Variants in LRRC8E observed in about 807,000 individuals in gnomAD.
LRRC8E encodes leucine rich repeat containing 8 VRAC subunit E, also known as volume-regulated anion channel subunit LRRC8E.
Under a neutral mutation model 6.1 loss-of-function variants are expected in LRRC8E, and 6 were observed. The ratio of observed to expected loss-of-function variants is 0.98; its 90% CI spans 0.54 to 1.93. The LOEUF is 1.93. Among genes scored for constraint, LRRC8E ranks in the 30% most tolerant of loss-of-function variants. The pLI, the probability that LRRC8E is intolerant of heterozygous loss-of-function variation, is 0.01. For missense variants in LRRC8E, 1,028 were observed against 1,031.4 expected (o/e 1.00, Z 0.04); for synonymous variants, 485 against 472.8 (o/e 1.03, Z -0.33).
Position 7,899,023 on chromosome 19 carries a change from C to T in LRRC8E, c.501C>T (p.Ser167=), listed in dbSNP as rs758772038. The change falls in exon 3 of 3, where the codon TCC becomes TCT. Residue 167 remains serine, a synonymous_variant. Transcript: ENST00000306708. The stretch of plus-strand genomic sequence containing the variant: ...CTCCATGGACCACCAGGGCCCTATC[C>T]GAGGTCTCCGGGGAGAACCAGAAGG... ...FDSPWTTRAL[S]EVSGENQKGP... The T allele has an allele frequency of 5.6e-6, 9 of 1,613,720 alleles. No homozygotes were observed. The highest frequency in any genetic ancestry group is 2.2e-5 in the East Asian group (1 of 44,898).
chr19:7,898,676 A>G lies in LRRC8E; in HGVS notation c.154A>G (p.Ile52Val), dbSNP rs1298269142. ...TGCTCCTCAGGTGACACAGGACAAG[A>G]TCATCTGTCTACCCAATCATGAGCT... ...GCTLQVTQDK[I>V]ICLPNHELQE... The change falls in exon 3 of 3, where the codon ATC becomes GTC. Residue 52 changes from isoleucine to valine, a missense_variant. Transcript: ENST00000306708. 1 of 1,608,300 alleles carries G rather than the reference A, an allele frequency of 6.2e-7. No homozygotes were observed. Among genetic ancestry groups the G allele is most frequent in the East Asian group, 2.2e-5 (1 of 44,746 alleles).
rs1981818469 is a variant in LRRC8E, at chr19:7,899,472, T to A, written c.950T>A (p.Ile317Asn). 1 of 1,614,028 alleles carries A rather than the reference T, an allele frequency of 6.2e-7. No individual in the cohort carries two copies. The highest frequency in any genetic ancestry group is 1.3e-5 in the African/African-American group (1 of 75,010). The change falls in exon 3 of 3, where the codon ATC (isoleucine) becomes AAC (asparagine). Residue 317 changes from isoleucine to asparagine, a missense_variant. Physicochemically the swap from Ile to Asn is moderately radical, Grantham distance 149. Coordinates refer to ENST00000306708, the MANE Select transcript of LRRC8E (RefSeq NM_025061.6). Reference sequence around the variant, plus strand: ...TTCTCCAAGCTGGCCTTCTGTTACATCTCCTTTGTGTGCATCTACGGACTT... The same window carrying A: ...TTCTCCAAGCTGGCCTTCTGTTACAACTCCTTTGTGTGCATCTACGGACTT... ...HLFSKLAFCY[I>N]SFVCIYGLTC...
chr19:7,900,380 A>G lies in LRRC8E; in HGVS notation c.1858A>G (p.Ile620Val), dbSNP rs1277294795. 2.5e-6 allele frequency: 4 copies of G among 1,612,814 alleles called. No homozygotes were observed. The highest frequency in any genetic ancestry group is 3.3e-5 in the Admixed American group (2 of 59,988). The change falls in exon 3 of 3, where the codon ATC (isoleucine) becomes GTC (valine). Residue 620 changes from isoleucine (I) to valine (V), a missense_variant. By Grantham distance (29) the Ile-to-Val change is conservative. Transcript: ENST00000306708. This position sits in a 1 kb window ranked among gnomAD's most constrained non-coding sequence, Gnocchi z 5.0. ...CCTCAAGGACAACCACCTGCGCTCC[A>G]TCGAGGAAATCCTCAGCTTCCAGCA... ...LDLKDNHLRS[I>V]EEILSFQHCR...
Position 7,899,456 on chromosome 19 carries a change from C to G in LRRC8E, c.934C>G (p.Leu312Val). ...CACCAAGGCCCACCTCTTCTCCAAG[C>G]TGGCCTTCTGTTACATCTCCTTTGT... Reference protein sequence around the residue: ...NHTKAHLFSKLAFCYISFVCI... With the variant: ...NHTKAHLFSKVAFCYISFVCI... The change falls in exon 3 of 3, where the codon CTG becomes GTG. Residue 312 changes from leucine (L) to valine (V), a missense_variant. Coordinates refer to ENST00000306708, the MANE Select transcript of LRRC8E (RefSeq NM_025061.6). 6.2e-7 allele frequency: 1 copy of G among 1,614,170 alleles called. No homozygotes were observed. Among genetic ancestry groups the G allele is most frequent in the Non-Finnish European group, 8.5e-7 (1 of 1,180,040 alleles).
At chr19:7,898,605 C>T (rs1311395956) in intron 2 of LRRC8E, 56 bp from the exon 3 acceptor site, 50 of 1,475,988 alleles carry the variant, frequency 3.4e-5, no homozygotes, top group East Asian at 2.5e-4. Context: ...GTGATCCACT[C>T]GCCTTGGCCT....
chr19:7,900,699 C>A lies in LRRC8E; in HGVS notation c.2177C>A (p.Thr726Lys), dbSNP rs747868141. The A allele has an allele frequency of 7.4e-6, 12 of 1,613,406 alleles. No homozygotes were observed. Among genetic ancestry groups the A allele is most frequent in the Non-Finnish European group, 8.5e-6 (10 of 1,180,024 alleles). ...CTCTTCTTCTGCCGCAAGCTGCGGA[C>A]GTTGCTTCTGGGCGACAACCAGCTG... is the stretch of plus-strand genomic sequence containing the variant. ...EELFFCRKLRTLLLGDNQLSQ... is the reference protein window; with the variant it reads ...EELFFCRKLRKLLLGDNQLSQ... The change falls in exon 3 of 3, where the codon ACG (threonine) becomes AAG (lysine). Residue 726 changes from threonine (T) to lysine (K), a missense_variant. Thr to Lys is a moderately conservative substitution (Grantham distance 78). Coordinates refer to ENST00000306708, the MANE Select transcript of LRRC8E (RefSeq NM_025061.6). The surrounding 1 kb of genome is among the most constrained non-coding windows in gnomAD (Gnocchi z 5.0).
In LRRC8E at chr19:7,901,146, A is replaced by G. The variant is rs969219028; in HGVS notation, c.*233A>G. On this transcript the variant is annotated 3_prime_UTR_variant, in exon 3 of 3. Coordinates refer to ENST00000306708, the MANE Select transcript of LRRC8E (RefSeq NM_025061.6). The stretch of plus-strand genomic sequence containing the variant: ...CTGGTATGGAGGGATTAACTCAGTC[A>G]TGGCATTCTCCGACCAAAACCACAC... 2.4e-6 allele frequency: 1 copy of G among 420,498 alleles called. No individual in the cohort carries two copies. The highest frequency in any genetic ancestry group is 4.2e-6 in the Non-Finnish European group (1 of 237,048). 26.0% of individuals were successfully genotyped at this position (420,498 alleles called of 1,614,324 possible).
intron 1 of LRRC8E, among the ~76,000 whole-genome samples, chr19:7,892,160 C>T (rs1295339194): frequency 6.6e-6 from 1 of 151,876 alleles, no homozygotes; most frequent in Non-Finnish European, 1.5e-5. Context: ...GCAGGCTCTG[C>T]CTCCCAGGTT....
Position 7,899,347 on chromosome 19 carries a change from C to T in LRRC8E, c.825C>T (p.Val275=), listed in dbSNP as rs772215762. 6.2e-7 allele frequency: 1 copy of T among 1,614,238 alleles called. No individual in the cohort carries two copies. The highest frequency in any genetic ancestry group is 1.7e-5 in the Admixed American group (1 of 60,032). The change falls in exon 3 of 3, where the codon GTC becomes GTT. Residue 275 remains valine (V), a synonymous_variant. Coordinates refer to ENST00000306708, the MANE Select transcript of LRRC8E (RefSeq NM_025061.6). ...TGGCCATCCTGGTCTACAACCTGGT[C>T]TATGTGGAGAAGATCAGTTTCCTGG... ...KFLAILVYNL[V]YVEKISFLVA... is the part of the protein sequence containing the mutation.
intron 1 of LRRC8E, among the ~76,000 whole-genome samples, chr19:7,894,347 C>T (rs1328833102): frequency 6.6e-6 from 1 of 152,186 alleles, no homozygotes; most frequent in Non-Finnish European, 1.5e-5. Context: ...CCTCAGCCTC[C>T]AGAGTAGCTA....
At position 7,900,079 on chromosome 19, in the gene LRRC8E, C is replaced by A; in HGVS notation, c.1557C>A (p.Pro519=). The change falls in exon 3 of 3, where the codon CCC becomes CCA. Residue 519 remains proline (P), a synonymous_variant. Coordinates refer to ENST00000306708, the MANE Select transcript of LRRC8E (RefSeq NM_025061.6). This position sits in a 1 kb window ranked among gnomAD's most constrained non-coding sequence, Gnocchi z 5.0. ...AGCTGCACCTGGAGGGGCTTTTCCC[C>A]CAGGAGCTAGCTCGGGCAGCCACCC... ...LEELHLEGLF[P]QELARAATLE... 1 of 1,612,138 alleles carries A rather than the reference C, an allele frequency of 6.2e-7. No homozygotes were observed. Among genetic ancestry groups the A allele is most frequent in the Non-Finnish European group, 8.5e-7 (1 of 1,179,812 alleles).
In LRRC8E at chr19:7,891,524, GGT is replaced by G. The variant is rs577011407; in HGVS notation, c.-6+2945_-6+2946del. 1.9e-3 allele frequency among the ~76,000 whole-genome samples: 237 copies of G among 125,858 alleles called. 1 individual carries two copies. Among genetic ancestry groups the G allele is most frequent in the East Asian group, 0.013 (65 of 5,052 alleles). The allele number at this position is 125,858 out of a possible 152,430, so 82.6% of individuals were successfully genotyped here. ...AGGACAGGAAGTTGGTCCCTGCTCG[GGT>G]GTGTGTGTGTGTGTGTGTGTTTGTG... is the stretch of plus-strand genomic sequence containing the variant. On this transcript the variant is annotated intron_variant, in intron 1 of 2. Coordinates refer to ENST00000306708, the MANE Select transcript of LRRC8E (RefSeq NM_025061.6).
chr19:7,898,753 C>T lies in LRRC8E; in HGVS notation c.231C>T (p.Ile77=), dbSNP rs1268595989. Residue 77 remains isoleucine, a synonymous_variant, in exon 3 of 3, where the codon ATC becomes ATT. Transcript: ENST00000306708. ...APCQQLLPRG[I]PEQIGALQEV... ...GCCAGCAATTGCTGCCTCGGGGGATCCCTGAGCAGATTGGGGCCCTGCAGG... is the reference window on the plus strand; with the variant it reads ...GCCAGCAATTGCTGCCTCGGGGGATTCCTGAGCAGATTGGGGCCCTGCAGG... 1.2e-6 allele frequency: 2 copies of T among 1,614,094 alleles called. No individual in the cohort carries two copies. Among genetic ancestry groups the T allele is most frequent in the East Asian group, 2.2e-5 (1 of 44,890 alleles).
chr19:7,892,625 G>A (rs1253608817), intron 1 of LRRC8E, among the ~76,000 whole-genome samples: 1 of 152,170 alleles, frequency 6.6e-6, no homozygotes, highest in East Asian at 1.9e-4. Flanking sequence ...GGGTCCCTCC[G>A]AAGCTCAGTG....
At chr19:7,896,244 CTTTTTTTTTCTTTTT>C (rs889036735) in intron 2 of LRRC8E, among the ~76,000 whole-genome samples, 9 of 145,290 alleles carry the variant, frequency 6.2e-5, no homozygotes, top group East Asian at 4.1e-4. Flanking sequence ...CTGACCCTTT[CTTTTTTTTTCTTTTT>C]TTTTTTTTTC....
chr19:7,891,524 G>GGGGTGTGT (rs1555697626), intron 1 of LRRC8E, among the ~76,000 whole-genome samples: 18 of 125,940 alleles, frequency 1.4e-4, no homozygotes, highest in Non-Finnish European at 2.7e-4. Flanking sequence ...TCCCTGCTCG[G>GGGGTGTGT]GTGTGTGTGT....
rs1181392763 is a variant in LRRC8E at position 7,895,535 on chromosome 19, C to G, written c.-5-64C>G. 1 of 1,576,002 alleles carries G rather than the reference C, an allele frequency of 6.3e-7. No individual in the cohort carries two copies. Among genetic ancestry groups the G allele is most frequent in the Non-Finnish European group, 8.7e-7 (1 of 1,151,298 alleles). ...GCCTGTGTCCGGCTCCTCGGAGGAC[C>G]CCCTGCAGAGCCTCCCATCCTGAGG... On this transcript the variant is annotated intron_variant, in intron 1 of 2. Transcript: ENST00000306708. The surrounding 1 kb of genome is among the most constrained non-coding windows in gnomAD (Gnocchi z 4.7).
At chr19:7,897,148 C>T (rs1981636641) in intron 2 of LRRC8E, among the ~76,000 whole-genome samples, 1 of 151,332 alleles carries the variant, frequency 6.6e-6, no homozygotes, top group Admixed American at 6.6e-5. Context: ...TTGTAGATGA[C>T]ATTCTCCCAG....
chr19:7,894,208 G>A (rs191106246), intron 1 of LRRC8E, among the ~76,000 whole-genome samples: 136 of 152,174 alleles, frequency 8.9e-4, no homozygotes, highest in Non-Finnish European at 1.5e-3. Context: ...CTCCTGTCCC[G>A]TTACAGATTA....
Sources: allele counts gnomAD v4.1 joint callset (sites outside exome capture counted in the v4.1 genomes callset), GRCh38; gene constraint gnomAD v4.1.1; non-coding constraint Gnocchi (gnomAD v3.1); transcripts MANE v1.5; gene names NCBI Gene and HGNC (gene_info 2026-07-23, HGNC 2026-07-21).